The following LRIG3 variants were observed in gnomAD, a reference collection of about 807,000 sequenced individuals.
LRIG3 encodes the protein leucine-rich repeats and immunoglobulin-like domains protein 3.
A neutral mutation model predicts 114.5 loss-of-function variants in LRIG3; 76 were observed. That is an observed-to-expected ratio of 0.66 (90% confidence interval 0.55 to 0.80). LRIG3 has a LOEUF of 0.80. Among genes scored for constraint, LRIG3 ranks in the 30% least tolerant of loss-of-function variants. The pLI is 0.00. For missense variants in LRIG3, 1,239 were observed against 1,382.8 expected, an observed-to-expected ratio of 0.90 and a Z score of 1.65; for synonymous variants, 512 against 519.8, an observed-to-expected ratio of 0.98 and a Z score of 0.20.
At position 58,880,822 on chromosome 12, in the gene LRIG3, G is replaced by A; in HGVS notation, c.1560C>T (p.Cys520=). ...GGGAATCACTGCTGCTGGCAGCTGA[G>A]CAGATGAAACTCAAATTGGAACCTT... The part of the protein sequence containing the change: ...AIKGSNLSFI[C]SAASSSDSPM... Residue 520 remains cysteine (C), a synonymous_variant, in exon 13 of 19, where the codon TGC becomes TGT. Transcript: ENST00000320743. 6.2e-7 allele frequency: 1 copy of A among 1,614,176 alleles called. No individual in the cohort carries two copies. The highest frequency in any genetic ancestry group is 8.5e-7 in the Non-Finnish European group (1 of 1,180,022).
At chr12:58,919,641 A>G in intron 1 of LRIG3, 1 of 1,431,484 alleles carries the variant, frequency 7.0e-7, no homozygotes, top group East Asian at 2.5e-5. Flanking sequence ...TGATGTGTGC[A>G]GGTTGCCGCT....
At chr12:58,886,750 A>G in intron 9 of LRIG3, 60 bp downstream of exon 9, 3 of 1,423,304 alleles carry the variant, frequency 2.1e-6, no homozygotes, top group Non-Finnish European at 3.0e-6. Context: ...AGCTGACTTC[A>G]GTGAAGACAA....
rs74773656 is a variant in LRIG3 at position 58,877,301 on chromosome 12, G to A, written c.2536+99C>T. The A allele has an allele frequency of 5.6e-3, 6,834 of 1,219,988 alleles. 262 individuals are homozygous for A. The African/African-American group carries it at 0.09, about 16-fold the overall frequency. 75.6% of individuals were successfully genotyped at this position (1,219,988 alleles called of 1,614,324 possible). ...CTTGAAACAAATGAGTCACCCTTCT[G>A]AGATGAACTCAGACTGCAAGACACA... On this transcript the variant is annotated intron_variant, in intron 15 of 18. Transcript: ENST00000320743.
intron 10 of LRIG3, 112 bp from the exon 11 acceptor site, chr12:58,883,703 A>G: frequency 3.4e-6 from 2 of 585,080 alleles, no homozygotes; most frequent in East Asian, 5.7e-5. Context: ...TACTCCCTCT[A>G]TGTGTCAAAT....
At chr12:58,912,222 C>T (rs368228332) in intron 3 of LRIG3, among the ~76,000 whole-genome samples, 53 of 152,282 alleles carry the variant, frequency 3.5e-4, no homozygotes, top group African/African-American at 1.1e-3. Context: ...AGGGGCTGGG[C>T]GCAGTGGCTC....
Position 58,888,855 on chromosome 12 carries a change from T to A in LRIG3, c.767A>T (p.Asp256Val), listed in dbSNP as rs1248766127. 6.8e-6 allele frequency: 11 copies of A among 1,613,804 alleles called. No individual in the cohort carries two copies. Among genetic ancestry groups the A allele is most frequent in the Non-Finnish European group, 9.3e-6 (11 of 1,179,830 alleles). Residue 256 changes from aspartate to valine, a missense_variant, in exon 6 of 19, where the codon GAT (aspartate) becomes GTT (valine). Transcript: ENST00000320743. ...MQRNGVTKLMDGAFWGLSNME... is the reference protein window; with the variant it reads ...MQRNGVTKLMVGAFWGLSNME... The stretch of plus-strand genomic sequence containing the variant: ...GTTGCTCAGCCCCCAAAAAGCTCCA[T>A]CCATAAGTTTCGTTACTCCATTTCT...
At chr12:58,895,852 A>T (rs1175880932) in intron 3 of LRIG3, among the ~76,000 whole-genome samples, 2 of 152,118 alleles carry the variant, frequency 1.3e-5, no homozygotes, top group African/African-American at 4.8e-5. Context: ...GCGAAACATC[A>T]CACTTCCTCT....
chr12:58,902,406 G>A (rs552043571), intron 3 of LRIG3, among the ~76,000 whole-genome samples: 1 of 152,088 alleles, frequency 6.6e-6, no homozygotes, highest in Admixed American at 6.5e-5. Context: ...TATGGTACCT[G>A]CAGCATGAAT....
In LRIG3 at chr12:58,874,521, A is replaced by G. The variant is rs774285143; in HGVS notation, c.2748T>C (p.Asp916=). The G allele has an allele frequency of 1.2e-6, 2 of 1,614,196 alleles. No homozygotes were observed. Among genetic ancestry groups the G allele is most frequent in the South Asian group, 1.1e-5 (1 of 91,080 alleles). Residue 916 remains aspartate (D), a synonymous_variant, in exon 17 of 19, where the codon GAT becomes GAC. Transcript: ENST00000320743. The part of the protein sequence containing the change: ...SSEADVEAAT[D]LFLCPFLGST... ...ATCCCAAAAACGGACAAAGGAACAG[A>G]TCTGTGGCAGCTTCCACATCAGCTT...
chr12:58,891,636 T>C (rs1157238008), intron 3 of LRIG3, among the ~76,000 whole-genome samples: 1 of 152,178 alleles, frequency 6.6e-6, no homozygotes, highest in Non-Finnish European at 1.5e-5. Context: ...AGATCCCCTT[T>C]TCTTTAAGAA....
At chr12:58,886,451 A>G (rs1871278992) in intron 9 of LRIG3, among the ~76,000 whole-genome samples, 2 of 151,948 alleles carry the variant, frequency 1.3e-5, no homozygotes, top group African/African-American at 4.8e-5. Context: ...CATTAAAAAA[A>G]TTCCTACGGG....
At position 58,882,937 on chromosome 12, in the gene LRIG3, C is replaced by A. The variant is rs1156588828; in HGVS notation, c.1412G>T (p.Ser471Ile). The A allele has an allele frequency of 2.7e-5, 44 of 1,614,070 alleles. No individual in the cohort carries two copies. Among genetic ancestry groups the A allele is most frequent in the Non-Finnish European group, 3.6e-5 (43 of 1,180,018 alleles). The change falls in exon 12 of 19, where the codon AGT becomes ATT. Residue 471 changes from serine (S) to isoleucine (I), a missense_variant. Transcript: ENST00000320743. Reference protein sequence around the residue: ...ENNFQSFVNASCAHPQLLKGR... With the variant: ...ENNFQSFVNAICAHPQLLKGR... ...TTTTAGCAGCTGAGGATGGGCACAA[C>A]TGGCATTTACAAAGCTCTGAAAGTT...
At chr12:58,876,296 G>A (rs1870914196) in intron 16 of LRIG3, 149 bp downstream of exon 16, 1 of 741,122 alleles carries the variant, frequency 1.3e-6, no homozygotes, top group Non-Finnish European at 2.2e-6. Flanking sequence ...GAACGGTATA[G>A]AACTATACAA....
intron 10 of LRIG3, among the ~76,000 whole-genome samples, chr12:58,885,199 CG>C (rs1871237628): frequency 6.6e-6 from 1 of 151,742 alleles, no homozygotes; most frequent in Non-Finnish European, 1.5e-5. Flanking sequence ...TGGGTCAAGA[CG>C]AAACAAAAGA....
chr12:58,912,297 C>T (rs186691607), intron 3 of LRIG3, among the ~76,000 whole-genome samples: 1 of 152,214 alleles, frequency 6.6e-6, no homozygotes, highest in Admixed American at 6.5e-5. Context: ...GAGATCGAGA[C>T]CATCCTGGCT....
Position 58,872,531 on chromosome 12 carries a change from T to C in LRIG3, c.*41A>G, listed in dbSNP as rs1175058041. 1.3e-6 allele frequency: 2 copies of C among 1,510,596 alleles called. No individual in the cohort carries two copies. The highest frequency in any genetic ancestry group is 1.8e-6 in the Non-Finnish European group (2 of 1,127,246). The allele number at this position is 1,510,596 out of a possible 1,614,324, so 93.6% of individuals were successfully genotyped here. A position where few individuals can be genotyped will look rare whatever the true frequency, so the allele number is the denominator to read the frequency against. On this transcript the variant is annotated 3_prime_UTR_variant, in exon 19 of 19. Coordinates refer to ENST00000320743, the MANE Select transcript of LRIG3 (RefSeq NM_153377.5). ...CTCTCTCTTTTAAATAAAAGTTCACTTGAGGTAGTATGTTAAGCTTTTCCT... is the reference window on the plus strand; with the variant it reads ...CTCTCTCTTTTAAATAAAAGTTCACCTGAGGTAGTATGTTAAGCTTTTCCT...
Position 58,920,140 on chromosome 12 carries a change from G to A in LRIG3, c.96C>T (p.Arg32=), listed in dbSNP as rs923297692. 8.4e-6 allele frequency: 13 copies of A among 1,543,800 alleles called. No homozygotes were observed. Among genetic ancestry groups the A allele is most frequent in the Non-Finnish European group, 1.1e-5 (13 of 1,146,346 alleles). ...CCCCAGAGGGCTGCCCGAGTTCCCCGCGACCGCCGCTGTCTGACCGGCCAG... is the reference window on the plus strand; with the variant it reads ...CCCCAGAGGGCTGCCCGAGTTCCCCACGACCGCCGCTGTCTGACCGGCCAG... The part of the protein sequence containing the change: ...GRAGRSDSGG[R]GELGQPSGVA... The change falls in exon 1 of 19, where the codon CGC becomes CGT. Residue 32 remains arginine (R), a synonymous_variant. Transcript: ENST00000320743.
chr12:58,888,749 CCTG>C (rs1228036028), intron 6 of LRIG3, 67 bp downstream of exon 6: 2 of 1,539,074 alleles, frequency 1.3e-6, no homozygotes, highest in East Asian at 4.5e-5. Flanking sequence ...TCACATAAGA[CCTG>C]CTGAATGTAC....
At chr12:58,919,481 A>G (rs1203583457) in intron 1 of LRIG3, 16 of 1,551,542 alleles carry the variant, frequency 1.0e-5, no homozygotes, top group East Asian at 2.4e-5. Context: ...TACGTCCACC[A>G]TAACTTGGAG....
Sources: gnomAD v4.1 joint callset for allele counts (sites outside exome capture counted in the v4.1 genomes callset) on GRCh38, gnomAD v4.1.1 for gene constraint, MANE v1.5 for transcripts, NCBI Gene and HGNC (gene_info 2026-07-23, HGNC 2026-07-21) for gene names.